The following BCL2 variants were observed in gnomAD, a reference collection of about 807,000 sequenced individuals.
The protein encoded by BCL2 is BCL2 apoptosis regulator, also known as apoptosis regulator Bcl-2.
BCL2 carries 1 observed loss-of-function variant against 14.2 expected under a neutral mutation model. That is an observed-to-expected ratio of 0.07 (90% CI 0.02 to 0.33). The LOEUF (loss-of-function observed/expected upper bound fraction) is 0.33, where lower values mean the gene tolerates loss of function less well. Among genes scored for constraint, BCL2 ranks in the 10% least tolerant of loss-of-function variants. The pLI, the probability that BCL2 is intolerant of heterozygous loss-of-function variation, is 0.99. For missense variants in BCL2, 247 were observed against 305.9 expected (o/e 0.81, Z 1.44); for synonymous variants, 151 against 137.2 (o/e 1.10, Z -0.70).
chr18:63,251,118 G>A (rs1911298220), intron 2 of BCL2, among the ~76,000 whole-genome samples: 1 of 150,428 alleles, frequency 6.6e-6, no homozygotes, highest in Admixed American at 6.7e-5. Flanking sequence ...CTTGAAGAAG[G>A]GTCACACGGT....
chr18:63,307,525 A>G (rs1843986883), intron 2 of BCL2, among the ~76,000 whole-genome samples: 1 of 152,238 alleles, frequency 6.6e-6, no homozygotes, highest in South Asian at 2.1e-4. Flanking sequence ...AAAGAAAACT[A>G]CATTCAAAGG....
intron 2 of BCL2, among the ~76,000 whole-genome samples, chr18:63,272,728 A>G (rs4987738): frequency 0.014 from 2,191 of 152,342 alleles, 40 homozygotes; most frequent in Non-Finnish European, 0.018. Context: ...AGAGATACAG[A>G]TCATAAATAC....
chr18:63,289,386 G>A (rs1440192614), intron 2 of BCL2, among the ~76,000 whole-genome samples: 2 of 152,302 alleles, frequency 1.3e-5, no homozygotes, highest in African/African-American at 2.4e-5. Context: ...CTTAAGGGAT[G>A]GAGAATTCTG....
At chr18:63,242,981 C>T (rs1400681465) in intron 2 of BCL2, among the ~76,000 whole-genome samples, 5 of 152,150 alleles carry the variant, frequency 3.3e-5, no homozygotes, top group Admixed American at 6.5e-5. Flanking sequence ...ACCTCAGTTA[C>T]GGTCGTCTTC....
At chr18:63,204,557 C>A (rs1432175007) in intron 2 of BCL2, among the ~76,000 whole-genome samples, 1 of 152,112 alleles carries the variant, frequency 6.6e-6, no homozygotes, top group East Asian at 1.9e-4. Flanking sequence ...ATGAACAAAT[C>A]CAGGCAAAAG....
chr18:63,189,199 A>G (rs1280246275), intron 2 of BCL2, among the ~76,000 whole-genome samples: 3 of 151,686 alleles, frequency 2.0e-5, no homozygotes, highest in African/African-American at 7.3e-5. Flanking sequence ...TAAAAAAAAA[A>G]AAAAAAGAAA....
intron 2 of BCL2, among the ~76,000 whole-genome samples, chr18:63,268,940 T>C (rs1599280877): frequency 6.6e-6 from 1 of 151,794 alleles, no homozygotes; most frequent in Admixed American, 6.6e-5. Context: ...TTATTCGGTC[T>C]TTTTTTCTTT....
intron 2 of BCL2, among the ~76,000 whole-genome samples, chr18:63,220,821 A>C (rs1910371927): frequency 6.7e-6 from 1 of 150,066 alleles, no homozygotes; most frequent in African/African-American, 2.5e-5. Context: ...TTCAAGGAGA[A>C]AAAAAAAAAG....
At chr18:63,160,374 T>A (rs1321807349) in intron 2 of BCL2, among the ~76,000 whole-genome samples, 1 of 152,230 alleles carries the variant, frequency 6.6e-6, no homozygotes, top group Non-Finnish European at 1.5e-5. Context: ...GATACGCAAC[T>A]AAGACCGAGT....
At chr18:63,312,211 A>G (rs1890157377) in intron 2 of BCL2, among the ~76,000 whole-genome samples, 1 of 152,120 alleles carries the variant, frequency 6.6e-6, no homozygotes, top group South Asian at 2.1e-4. Context: ...CCTACCCATC[A>G]CTAATTGGAA....
chr18:63,162,527 G>A (rs1348824366), intron 2 of BCL2, among the ~76,000 whole-genome samples: 2 of 152,100 alleles, frequency 1.3e-5, no homozygotes, highest in African/African-American at 4.8e-5. Flanking sequence ...GTGCAGGCAG[G>A]CACGCGGGTG....
intron 2 of BCL2, among the ~76,000 whole-genome samples, chr18:63,194,338 C>CTTT (rs147419261): frequency 2.1e-5 from 3 of 144,006 alleles, no homozygotes; most frequent in Admixed American, 6.9e-5. Flanking sequence ...AAACTTTTTT[C>CTTT]TTTTTTTTTT....
At position 63,318,376 on chromosome 18, in the gene BCL2, G is replaced by C. The variant is rs1391177096; in HGVS notation, c.291C>G (p.Leu97=). 10 of 1,598,162 alleles carry C rather than the reference G, an allele frequency of 6.3e-6. No individual in the cohort carries two copies. Among genetic ancestry groups the C allele is most frequent in the Non-Finnish European group, 8.5e-6 (10 of 1,172,080 alleles). The change falls in exon 2 of 3, where the codon CTC becomes CTG. Residue 97 remains leucine, a synonymous_variant. Transcript: ENST00000333681. This position sits in a 1 kb window ranked among gnomAD's most constrained non-coding sequence, Gnocchi z 7.4. ...GGGAGAAGTCGTCGCCGGCCTGGCG[G>C]AGGGTCAGGTGGACCACAGGTGGCA... The part of the protein sequence containing the change: ...SPVPPVVHLT[L]RQAGDDFSRR...
chr18:63,240,875 T>C (rs189649037), intron 2 of BCL2, among the ~76,000 whole-genome samples: 20 of 152,344 alleles, frequency 1.3e-4, no homozygotes, highest in Non-Finnish European at 5.9e-5. Context: ...TGTACTTATC[T>C]TTACATTCCC....
At chr18:63,176,063 G>A (rs546856448) in intron 2 of BCL2, among the ~76,000 whole-genome samples, 2 of 152,206 alleles carry the variant, frequency 1.3e-5, no homozygotes, top group African/African-American at 2.4e-5. Flanking sequence ...CTCCCACAGC[G>A]TGGTTTGGTT....
At chr18:63,193,738 A>G (rs9959983) in intron 2 of BCL2, among the ~76,000 whole-genome samples, 149,350 of 151,958 alleles carry the variant, frequency 0.98, 73,432 homozygotes, top group East Asian at 1. Flanking sequence ...TTATTAGTGG[A>G]CAAAAATGTG....
At chr18:63,310,738 C>T (rs1913290383) in intron 2 of BCL2, among the ~76,000 whole-genome samples, 1 of 152,224 alleles carries the variant, frequency 6.6e-6, no homozygotes, top group African/African-American at 2.4e-5. Context: ...ACCATCACTA[C>T]CCCGGTTCCT....
At chr18:63,138,314 G>A (rs1284072652) in intron 2 of BCL2, among the ~76,000 whole-genome samples, 1 of 152,186 alleles carries the variant, frequency 6.6e-6, no homozygotes. Context: ...CTTATCATCG[G>A]CTCGGCAGGA....
chr18:63,312,426 A>G (rs908277420), intron 2 of BCL2, among the ~76,000 whole-genome samples: 3 of 152,272 alleles, frequency 2.0e-5, no homozygotes, highest in Non-Finnish European at 2.9e-5. Context: ...GTGCTATAGC[A>G]TATACAGAAT....
Sources: allele counts gnomAD v4.1 joint callset (sites outside exome capture counted in the v4.1 genomes callset), GRCh38; gene constraint gnomAD v4.1.1; non-coding constraint Gnocchi (gnomAD v3.1); transcripts MANE v1.5; gene names NCBI Gene and HGNC (gene_info 2026-07-23, HGNC 2026-07-21).